ST8SIA2: variants seen among roughly 807,000 people sequenced by gnomAD.
The protein encoded by ST8SIA2 is ST8 alpha-N-acetyl-neuraminide alpha-2,8-sialyltransferase 2.
Under a neutral mutation model 37.6 loss-of-function variants are expected in ST8SIA2, and 22 were observed. That is an observed-to-expected ratio of 0.58 (90% confidence interval 0.42 to 0.83). ST8SIA2 has a LOEUF of 0.83. Among genes scored for constraint, ST8SIA2 ranks in the 40% least tolerant of loss-of-function variants. ST8SIA2 has a pLI of 0.00. For missense variants in ST8SIA2, 382 were observed against 484.7 expected (o/e 0.79, Z 1.99); for synonymous variants, 205 against 201.2 (o/e 1.02, Z -0.16).
At chr15:92,413,052 G>C (rs1361570778) in intron 1 of ST8SIA2, among the ~76,000 whole-genome samples, 1 of 151,936 alleles carries the variant, frequency 6.6e-6, no homozygotes, top group Admixed American at 6.6e-5. Flanking sequence ...GGGTGGGGAG[G>C]GGGGTGAGTG....
intron 5 of ST8SIA2, among the ~76,000 whole-genome samples, chr15:92,445,677 T>G (rs1255311380): frequency 6.6e-6 from 1 of 152,160 alleles, no homozygotes; most frequent in Non-Finnish European, 1.5e-5. Flanking sequence ...TAAGAAGAGT[T>G]TTGATGTAAC....
chr15:92,453,139 C>T (rs1336079898), intron 5 of ST8SIA2, among the ~76,000 whole-genome samples: 3 of 152,084 alleles, frequency 2.0e-5, no homozygotes, highest in African/African-American at 4.8e-5. Flanking sequence ...TTCAAATCCA[C>T]GTATATAGGC....
intron 4 of ST8SIA2, among the ~76,000 whole-genome samples, chr15:92,440,784 A>G (rs2049795861): frequency 6.6e-6 from 1 of 152,204 alleles, no homozygotes; most frequent in Non-Finnish European, 1.5e-5. Flanking sequence ...ACTTGGTAAT[A>G]TCCTACAGGC....
At chr15:92,455,173 C>T (rs1203281828) in intron 5 of ST8SIA2, among the ~76,000 whole-genome samples, 1 of 152,138 alleles carries the variant, frequency 6.6e-6, no homozygotes, top group Non-Finnish European at 1.5e-5. Flanking sequence ...AGGACCATGG[C>T]AATCCAGAGA....
At chr15:92,456,052 C>A (rs1432783385) in intron 5 of ST8SIA2, among the ~76,000 whole-genome samples, 1 of 152,214 alleles carries the variant, frequency 6.6e-6, no homozygotes, top group Non-Finnish European at 1.5e-5. Context: ...GATTGAAACT[C>A]CAGAATCCAG....
At chr15:92,450,289 C>T (rs2049872735) in intron 5 of ST8SIA2, among the ~76,000 whole-genome samples, 1 of 152,168 alleles carries the variant, frequency 6.6e-6, no homozygotes, top group Non-Finnish European at 1.5e-5. Flanking sequence ...GGGCAAAAGA[C>T]TTGGAATAGA....
At chr15:92,454,355 C>G (rs1407818575) in intron 5 of ST8SIA2, among the ~76,000 whole-genome samples, 3 of 152,076 alleles carry the variant, frequency 2.0e-5, no homozygotes, top group African/African-American at 7.2e-5. Context: ...TGGATTAAGG[C>G]CCACCCTAGT....
intron 5 of ST8SIA2, among the ~76,000 whole-genome samples, chr15:92,462,205 A>C (rs568846266): frequency 6.6e-6 from 1 of 152,334 alleles, no homozygotes; most frequent in African/African-American, 2.4e-5. Context: ...GGGAGATTCA[A>C]GTCACCCCAG....
chr15:92,439,947 G>C (rs1332437114), intron 4 of ST8SIA2, among the ~76,000 whole-genome samples: 1 of 152,088 alleles, frequency 6.6e-6, no homozygotes, highest in African/African-American at 2.4e-5. Context: ...GTATCCGGGG[G>C]AGGCGGGGGG....
intron 5 of ST8SIA2, among the ~76,000 whole-genome samples, chr15:92,454,364 G>C (rs2049904143): frequency 6.6e-6 from 1 of 152,010 alleles, no homozygotes; most frequent in Non-Finnish European, 1.5e-5. Context: ...GCCCACCCTA[G>C]TGACCTAATT....
intron 5 of ST8SIA2, among the ~76,000 whole-genome samples, chr15:92,451,449 G>C (rs570307798): frequency 2.0e-5 from 3 of 152,188 alleles, no homozygotes; most frequent in Non-Finnish European, 4.4e-5. Flanking sequence ...CCAGCACCTG[G>C]GCATGACACA....
At chr15:92,443,690 G>A (rs974779660) in intron 4 of ST8SIA2, among the ~76,000 whole-genome samples, 3 of 151,950 alleles carry the variant, frequency 2.0e-5, no homozygotes, top group East Asian at 3.9e-4. Flanking sequence ...TGCTCCAGTC[G>A]GACCAGATCA....
intron 1 of ST8SIA2, among the ~76,000 whole-genome samples, chr15:92,415,391 G>C (rs2049579355): frequency 6.6e-6 from 1 of 152,022 alleles, no homozygotes; most frequent in African/African-American, 2.4e-5. Context: ...CTGAGTCAGG[G>C]AAGTTTGTGG....
intron 5 of ST8SIA2, among the ~76,000 whole-genome samples, chr15:92,447,316 G>T (rs1645316733): frequency 6.6e-6 from 1 of 152,226 alleles, no homozygotes; most frequent in Non-Finnish European, 1.5e-5. Flanking sequence ...CATAGTCTGT[G>T]ATAGCAGAGC....
intron 5 of ST8SIA2, among the ~76,000 whole-genome samples, chr15:92,453,718 G>T (rs1252653218): frequency 6.6e-6 from 1 of 152,220 alleles, no homozygotes; most frequent in Non-Finnish European, 1.5e-5. Context: ...GAAGCTGAGA[G>T]GTTTTGAGAG....
At chr15:92,430,392 G>A (rs1454730396) in intron 2 of ST8SIA2, among the ~76,000 whole-genome samples, 1 of 152,178 alleles carries the variant, frequency 6.6e-6, no homozygotes, top group Admixed American at 6.5e-5. Flanking sequence ...ACACCAATGA[G>A]CTTACTCAAA....
At chr15:92,444,322 T>C (rs1331011318) in intron 4 of ST8SIA2, among the ~76,000 whole-genome samples, 8 of 152,204 alleles carry the variant, frequency 5.3e-5, no homozygotes, top group Admixed American at 4.6e-4. Flanking sequence ...GGCAACAGCA[T>C]CATCATCTTG....
At chr15:92,441,767 A>C (rs2141836974) in intron 4 of ST8SIA2, among the ~76,000 whole-genome samples, 1 of 152,278 alleles carries the variant, frequency 6.6e-6, no homozygotes, top group African/African-American at 2.4e-5. Flanking sequence ...AACTTATTTA[A>C]TTATCACAGC....
chr15:92,411,980 A>T (rs982988361), intron 1 of ST8SIA2, among the ~76,000 whole-genome samples: 1 of 152,184 alleles, frequency 6.6e-6, no homozygotes, highest in Non-Finnish European at 1.5e-5. Flanking sequence ...AAGAGGAAGA[A>T]GCAAGGCAAG....
Sources: allele counts gnomAD v4.1 joint callset (sites outside exome capture counted in the v4.1 genomes callset), GRCh38; gene constraint gnomAD v4.1.1; transcripts MANE v1.5; gene names NCBI Gene and HGNC (gene_info 2026-07-23, HGNC 2026-07-21).